MARCHF1: variants seen among roughly 807,000 people sequenced by gnomAD.
MARCHF1 encodes the protein membrane associated ring-CH-type finger 1.
In MARCHF1, 40 loss-of-function variants were observed where a neutral mutation model predicts 54.2. The observed-to-expected ratio is 0.74, with a 90% CI of 0.57 to 0.96. MARCHF1 has a LOEUF of 0.96. MARCHF1 is among the 40% of genes least tolerant of loss of function. MARCHF1 has a pLI of 0.00. For missense variants in MARCHF1, 586 were observed against 656.5 expected (o/e 0.89, Z 1.17); for synonymous variants, 236 against 236.3 (o/e 1.00, Z 0.01).
At chr4:164,109,762 A>G (rs562385543) in intron 2 of MARCHF1, among the ~76,000 whole-genome samples, 7 of 151,540 alleles carry the variant, frequency 4.6e-5, no homozygotes, top group Non-Finnish European at 8.9e-5. Flanking sequence ...ATGATACCCA[A>G]CTTGGGTTTC....
chr4:163,678,036 A>C (rs1743974850), intron 5 of MARCHF1, among the ~76,000 whole-genome samples: 1 of 152,232 alleles, frequency 6.6e-6, no homozygotes, highest in Non-Finnish European at 1.5e-5. Context: ...TGGTGATGGT[A>C]ATGAAGAAGA....
At chr4:164,256,432 T>TAAAAAAAAAAAAAAAA (rs11345775) in intron 1 of MARCHF1, among the ~76,000 whole-genome samples, 1 of 121,852 alleles carries the variant, frequency 8.2e-6, no homozygotes, top group Non-Finnish European at 1.7e-5. Context: ...ACAAGAAGCT[T>TAAAAAAAAAAAAAAAA]AAAAAAAAAA....
intron 3 of MARCHF1, among the ~76,000 whole-genome samples, chr4:163,867,239 C>T (rs1750072856): frequency 6.6e-6 from 1 of 151,946 alleles, no homozygotes; most frequent in Admixed American, 6.6e-5. Flanking sequence ...AAATCCCTCT[C>T]TTCCTTCTTC....
At chr4:164,000,323 A>G (rs1263027122) in intron 2 of MARCHF1, among the ~76,000 whole-genome samples, 3 of 151,946 alleles carry the variant, frequency 2.0e-5, no homozygotes, top group African/African-American at 7.2e-5. Context: ...TATTGAAATG[A>G]AAAGATAAGT....
At chr4:163,640,304 G>C (rs192552439) in intron 5 of MARCHF1, among the ~76,000 whole-genome samples, 82 of 152,266 alleles carry the variant, frequency 5.4e-4, no homozygotes, top group African/African-American at 1.9e-3. Flanking sequence ...GATGAGTTAA[G>C]AGTTTTATAT....
chr4:163,877,414 A>T (rs1750313930), intron 3 of MARCHF1, among the ~76,000 whole-genome samples: 1 of 150,572 alleles, frequency 6.6e-6, no homozygotes, highest in Non-Finnish European at 1.5e-5. Context: ...CCTCGGTCCC[A>T]CCCTTGACAT....
intron 4 of MARCHF1, among the ~76,000 whole-genome samples, chr4:163,846,409 C>T (rs977056824): frequency 1.3e-5 from 2 of 152,152 alleles, no homozygotes; most frequent in Non-Finnish European, 2.9e-5. Context: ...CGGGGCAATT[C>T]TGGTCCATTT....
At chr4:163,642,683 C>T (rs1742596727) in intron 5 of MARCHF1, among the ~76,000 whole-genome samples, 1 of 152,034 alleles carries the variant, frequency 6.6e-6, no homozygotes, top group Non-Finnish European at 1.5e-5. Flanking sequence ...ACTATTTATC[C>T]TTCTGGTTTG....
At chr4:164,142,978 G>C (rs147328252) in intron 1 of MARCHF1, among the ~76,000 whole-genome samples, 2 of 151,814 alleles carry the variant, frequency 1.3e-5, no homozygotes, top group African/African-American at 4.8e-5. Context: ...AGAGCTTAAC[G>C]GAGCTGATGG....
At position 164,135,791 on chromosome 4, in the gene MARCHF1, A is replaced by T. The variant is rs900783791; in HGVS notation, c.-322-24129T>A. Among the ~76,000 whole-genome samples the T allele has an allele frequency of 4.6e-5, 7 of 152,354 alleles. No individual in the cohort carries two copies. In the East Asian group the frequency reaches 1.4e-3, roughly 29 times the overall value. On this transcript the variant is annotated intron_variant, in intron 1 of 9. Coordinates refer to ENST00000514618, the MANE Select transcript of MARCHF1 (RefSeq NM_001394959.1). Reference sequence around the variant, plus strand: ...AGATAATTATTTAAAATATTCAAAGATGTGGTCTAAGAAATATCCACACCA... The same window carrying T: ...AGATAATTATTTAAAATATTCAAAGTTGTGGTCTAAGAAATATCCACACCA...
At chr4:163,591,233 T>G (rs1408669176) in intron 7 of MARCHF1, among the ~76,000 whole-genome samples, 1 of 152,014 alleles carries the variant, frequency 6.6e-6, no homozygotes, top group Non-Finnish European at 1.5e-5. Context: ...TTCTCTATAT[T>G]AAAGTCTGTC....
chr4:163,858,145 C>T (rs1749820698), intron 3 of MARCHF1, among the ~76,000 whole-genome samples: 1 of 151,746 alleles, frequency 6.6e-6, no homozygotes, highest in South Asian at 2.1e-4. Flanking sequence ...ATGTAAATGG[C>T]ACTGTACTCT....
chr4:164,061,628 A>T (rs2111068964), intron 2 of MARCHF1, among the ~76,000 whole-genome samples: 1 of 151,692 alleles, frequency 6.6e-6, no homozygotes, highest in South Asian at 2.1e-4. Context: ...ACATGTATAC[A>T]TATGTAACTA....
intron 2 of MARCHF1, among the ~76,000 whole-genome samples, chr4:164,110,123 T>TAC (rs70948699): frequency 0.069 from 10,099 of 145,942 alleles, 367 homozygotes; most frequent in Middle Eastern, 0.16. Context: ...GAATTGGAGA[T>TAC]ACACACACAC....
chr4:164,211,195 T>C (rs1731759375), intron 1 of MARCHF1, among the ~76,000 whole-genome samples: 1 of 151,810 alleles, frequency 6.6e-6, no homozygotes, highest in Non-Finnish European at 1.5e-5. Context: ...ATTGCTAAAA[T>C]ATTAGATTTT....
intron 1 of MARCHF1, among the ~76,000 whole-genome samples, chr4:164,214,983 G>A (rs2111130494): frequency 6.6e-6 from 1 of 152,276 alleles, no homozygotes; most frequent in South Asian, 2.1e-4. Context: ...CCACGGCAGT[G>A]TCTAGGGGTG....
intron 4 of MARCHF1, among the ~76,000 whole-genome samples, chr4:163,845,171 A>G (rs1377783039): frequency 6.6e-6 from 1 of 152,064 alleles, no homozygotes. Context: ...ATTATTAATT[A>G]TTGTGCCTTG....
intron 4 of MARCHF1, among the ~76,000 whole-genome samples, chr4:163,746,025 G>A (rs757791109): frequency 6.6e-6 from 1 of 152,044 alleles, no homozygotes; most frequent in Non-Finnish European, 1.5e-5. Flanking sequence ...ATCACCCAAA[G>A]TCTATATTTT....
At chr4:164,133,042 A>G (rs1295360788) in intron 1 of MARCHF1, among the ~76,000 whole-genome samples, 1 of 152,180 alleles carries the variant, frequency 6.6e-6, no homozygotes, top group Non-Finnish European at 1.5e-5. Flanking sequence ...CCCAGACACA[A>G]TTTGTACTAT....
Sources: gnomAD v4.1 joint callset for allele counts (sites outside exome capture counted in the v4.1 genomes callset) on GRCh38, gnomAD v4.1.1 for gene constraint, MANE v1.5 for transcripts, NCBI Gene and HGNC (gene_info 2026-07-23, HGNC 2026-07-21) for gene names.